The following EXT1 variants were observed in gnomAD, a reference collection of about 807,000 sequenced individuals.
EXT1 encodes the protein exostosin-1.
A neutral mutation model predicts 82.5 loss-of-function variants in EXT1; 20 were observed. That is an observed-to-expected ratio of 0.24 (90% CI 0.17 to 0.35). EXT1 has a LOEUF of 0.35. Among genes scored for constraint, EXT1 ranks in the 10% least tolerant of loss-of-function variants. EXT1 has a pLI of 1.00. For synonymous variants in EXT1, 348 were observed against 350.8 expected (o/e 0.99, Z 0.09); for missense variants, 757 against 936.5 (o/e 0.81, Z 2.50).
At chr8:118,097,639 C>T (rs1817645289) in intron 1 of EXT1, among the ~76,000 whole-genome samples, 1 of 152,102 alleles carries the variant, frequency 6.6e-6, no homozygotes, top group Admixed American at 6.5e-5. Flanking sequence ...TAATATATGA[C>T]AAAATGTGTA....
chr8:118,008,062 C>G (rs1245899131), intron 1 of EXT1, among the ~76,000 whole-genome samples: 2 of 152,258 alleles, frequency 1.3e-5, no homozygotes, highest in Admixed American at 1.3e-4. Flanking sequence ...TGCTCTCCCT[C>G]CCTTCACCTC....
intron 1 of EXT1, among the ~76,000 whole-genome samples, chr8:117,947,101 G>C (rs1179628561): frequency 6.6e-6 from 1 of 152,146 alleles, no homozygotes; most frequent in Admixed American, 6.5e-5. Flanking sequence ...TTTAGGATTT[G>C]AGGCAGAGGA....
intron 1 of EXT1, among the ~76,000 whole-genome samples, chr8:118,036,297 C>T (rs1816418008): frequency 6.6e-6 from 1 of 152,050 alleles, no homozygotes; most frequent in Admixed American, 6.6e-5. Flanking sequence ...TTCCAGAAAC[C>T]TCAGAGCCCC....
chr8:117,953,800 C>T (rs888963607), intron 1 of EXT1, among the ~76,000 whole-genome samples: 1 of 152,084 alleles, frequency 6.6e-6, no homozygotes, highest in Non-Finnish European at 1.5e-5. Flanking sequence ...GTCCCAGCTA[C>T]TCGGGAGGCT....
chr8:117,917,286 G>A (rs893739696), intron 1 of EXT1, among the ~76,000 whole-genome samples: 5 of 151,944 alleles, frequency 3.3e-5, no homozygotes, highest in African/African-American at 7.3e-5. Context: ...CTAGCTTGGC[G>A]GACATGGCTT....
chr8:118,087,127 C>T (rs552015095), intron 1 of EXT1, among the ~76,000 whole-genome samples: 1 of 152,280 alleles, frequency 6.6e-6, no homozygotes, highest in African/African-American at 2.4e-5. Flanking sequence ...TGAAAACAGT[C>T]TTGGGAACAG....
chr8:118,087,117 T>C (rs1224889517), intron 1 of EXT1, among the ~76,000 whole-genome samples: 2 of 152,198 alleles, frequency 1.3e-5, no homozygotes, highest in East Asian at 3.8e-4. Flanking sequence ...ATAGAAACAA[T>C]GAAAACAGTC....
chr8:117,961,183 T>C (rs1814692722), intron 1 of EXT1, among the ~76,000 whole-genome samples: 1 of 152,058 alleles, frequency 6.6e-6, no homozygotes, highest in African/African-American at 2.4e-5. Flanking sequence ...CTCTTTCTTT[T>C]TTTTTAACAG....
At chr8:117,937,350 A>C (rs570735083) in intron 1 of EXT1, among the ~76,000 whole-genome samples, 6 of 152,344 alleles carry the variant, frequency 3.9e-5, no homozygotes, top group African/African-American at 1.2e-4. Context: ...TCGAGGACAC[A>C]ATCCATAAAA....
intron 1 of EXT1, among the ~76,000 whole-genome samples, chr8:117,966,280 AG>A (rs1814808676): frequency 6.6e-6 from 1 of 152,224 alleles, no homozygotes; most frequent in Non-Finnish European, 1.5e-5. Flanking sequence ...GTATTACGAC[AG>A]GATTCCAAAG....
rs1287362675 is a variant in EXT1 at position 118,110,311 on chromosome 8, C to A, written c.736G>T (p.Gly246Trp). Residue 246 changes from glycine (G) to tryptophan (W), a missense_variant, in exon 1 of 11, where the codon GGG becomes TGG. By Grantham distance (184) the Gly-to-Trp change is radical. This residue lies in a region of EXT1 where 247 missense variants were observed against 330.1 expected (regional missense o/e 0.75). Coordinates refer to ENST00000378204, the MANE Select transcript of EXT1 (RefSeq NM_000127.3). The part of the protein sequence containing the change: ...LFSKDHPRTG[G>W]ERGFLKFNTI... ...TTGAACTTCAAAAACCCCCTCTCCC[C>A]TCCTGTCCTGGGATGATCCTTAGAA... The A allele has an allele frequency of 6.2e-7, 1 of 1,614,196 alleles. No homozygotes were observed. Among genetic ancestry groups the A allele is most frequent in the Non-Finnish European group, 8.5e-7 (1 of 1,180,048 alleles).
intron 1 of EXT1, among the ~76,000 whole-genome samples, chr8:118,108,660 A>G (rs531204604): frequency 6.6e-6 from 1 of 152,310 alleles, no homozygotes; most frequent in East Asian, 1.9e-4. Flanking sequence ...GGAAAGCTGA[A>G]TCTGAGTGCT....
intron 1 of EXT1, among the ~76,000 whole-genome samples, chr8:118,038,807 C>CACT: frequency 6.6e-6 from 1 of 152,338 alleles, no homozygotes. Flanking sequence ...CCTGGCCACT[C>CACT]ACTGCCTGCA....
intron 1 of EXT1, among the ~76,000 whole-genome samples, chr8:118,102,894 C>G (rs1334248597): frequency 1.3e-5 from 2 of 152,164 alleles, no homozygotes; most frequent in East Asian, 3.9e-4. Flanking sequence ...GTGGCTCATG[C>G]CTGTAATCTC....
chr8:118,103,153 C>CA (rs1218629540), intron 1 of EXT1, among the ~76,000 whole-genome samples: 31 of 150,692 alleles, frequency 2.1e-4, no homozygotes, highest in African/African-American at 6.1e-4. Flanking sequence ...AACTCTGTCT[C>CA]AAAAAAAAAG....
chr8:118,037,913 T>C (rs56043836), intron 1 of EXT1, among the ~76,000 whole-genome samples: 3,478 of 148,484 alleles, frequency 0.023, 120 homozygotes, highest in African/African-American at 0.077. Context: ...TGATCTCGGC[T>C]CACTGCAACC....
chr8:118,111,342 T>G lies in EXT1; in HGVS notation c.-296A>C, dbSNP rs756423763. On this transcript the variant is annotated 5_prime_UTR_variant, in exon 1 of 11. An upstream start codon of the reference 5' UTR is lost. Transcript: ENST00000378204. ...AGCAGCGGACTGTAATTTTCTTGCATGCAACAAGACGGAGGAAAAGAAAGA... is the reference window on the plus strand; with the variant it reads ...AGCAGCGGACTGTAATTTTCTTGCAGGCAACAAGACGGAGGAAAAGAAAGA... 6.7e-6 allele frequency: 4 copies of G among 593,262 alleles called. No individual in the cohort carries two copies. Among genetic ancestry groups the G allele is most frequent in the Non-Finnish European group, 1.2e-5 (4 of 334,458 alleles). The allele number at this position is 593,262 out of a possible 1,614,324, so 36.7% of individuals were successfully genotyped here.
At chr8:118,068,737 T>C (rs1474851009) in intron 1 of EXT1, among the ~76,000 whole-genome samples, 1 of 152,258 alleles carries the variant, frequency 6.6e-6, no homozygotes, top group Non-Finnish European at 1.5e-5. Flanking sequence ...ACATTCCAAG[T>C]ACACCTGCCT....
At chr8:117,816,580 G>A (rs1298139678) in intron 7 of EXT1, among the ~76,000 whole-genome samples, 4 of 152,102 alleles carry the variant, frequency 2.6e-5, no homozygotes, top group Non-Finnish European at 4.4e-5. Flanking sequence ...AAATGCCAGG[G>A]GCCTGAATAT....
Sources: allele counts gnomAD v4.1 joint callset (sites outside exome capture counted in the v4.1 genomes callset), GRCh38; gene constraint gnomAD v4.1.1; regional missense constraint gnomAD v4.1.1; transcripts MANE v1.5; gene names NCBI Gene and HGNC (gene_info 2026-07-23, HGNC 2026-07-21).